UROC1: variants seen among roughly 807,000 people sequenced by gnomAD.
UROC1 encodes the protein urocanate hydratase.
A neutral mutation model predicts 89.5 loss-of-function variants in UROC1; 79 were observed. The observed-to-expected ratio is 0.88, with a 90% CI of 0.74 to 1.06. The LOEUF (loss-of-function observed/expected upper bound fraction) is 1.06. UROC1 is among the 50% of genes least tolerant of loss of function. The pLI, the probability that UROC1 is intolerant of heterozygous loss-of-function variation, is 0.00. For synonymous variants in UROC1, 361 were observed against 354.8 expected, an observed-to-expected ratio of 1.02 and a Z score of -0.20; for missense variants, 885 against 907.8, an observed-to-expected ratio of 0.97 and a Z score of 0.32.
intron 9 of UROC1, chr3:126,502,068 G>T: frequency 9.5e-7 from 1 of 1,055,908 alleles, no homozygotes; most frequent in Non-Finnish European, 1.3e-6. Context: ...TGATGTATGT[G>T]TATGTGTGTG....
intron 15 of UROC1, among the ~76,000 whole-genome samples, chr3:126,495,601 C>T (rs773124904): frequency 2.4e-4 from 36 of 152,362 alleles, no homozygotes; most frequent in Middle Eastern, 3.4e-3. Flanking sequence ...AATAGTGCTG[C>T]TGTGAACATG....
At chr3:126,497,764 A>G (rs1194269467) in intron 14 of UROC1, among the ~76,000 whole-genome samples, 1 of 151,682 alleles carries the variant, frequency 6.6e-6, no homozygotes, top group Non-Finnish European at 1.5e-5. Flanking sequence ...AGAGGTCCTC[A>G]CTGGCAGAGC....
At chr3:126,496,208 C>T in intron 14 of UROC1, 100 bp from the exon 15 acceptor site, 1 of 1,226,544 alleles carries the variant, frequency 8.2e-7, no homozygotes, top group Non-Finnish European at 1.2e-6. Context: ...CCCGAGCCCA[C>T]CACTGAGCTA....
chr3:126,502,851 A>G (rs1292857729), intron 9 of UROC1, among the ~76,000 whole-genome samples: 4 of 144,910 alleles, frequency 2.8e-5, no homozygotes, highest in Admixed American at 6.8e-5. Context: ...TGTGTGTTAC[A>G]TGTGTGTTGT....
At chr3:126,501,870 G>T in intron 9 of UROC1, 2 of 1,599,490 alleles carry the variant, frequency 1.3e-6, no homozygotes, top group Non-Finnish European at 1.7e-6. Context: ...GGTTGACAAA[G>T]CAGGAAAGGA....
chr3:126,496,900 C>T lies in UROC1; in HGVS notation c.1439-792G>A, dbSNP rs569721284. On this transcript the variant is annotated intron_variant, in intron 14 of 19. Transcript: ENST00000290868. ...GCGGGCATGTGGAGCTGGGTCAGCACGCCTGGAAACCAGCCAGGCCTGGAG... is the reference window on the plus strand; with the variant it reads ...GCGGGCATGTGGAGCTGGGTCAGCATGCCTGGAAACCAGCCAGGCCTGGAG... 5.3e-5 allele frequency among the ~76,000 whole-genome samples: 8 copies of T among 152,270 alleles called. No individual in the cohort carries two copies. The East Asian group carries it at 9.7e-4, about 18-fold the overall frequency.
At chr3:126,501,189 C>A in intron 10 of UROC1, 29 bp downstream of exon 10, 1 of 1,612,638 alleles carries the variant, frequency 6.2e-7, no homozygotes. Context: ...GGTTCCCAAG[C>A]TGGCCATCAA....
intron 3 of UROC1, 102 bp downstream of exon 3, chr3:126,509,483 A>C: frequency 3.4e-6 from 4 of 1,166,602 alleles, no homozygotes; most frequent in Non-Finnish European, 3.8e-6. Context: ...CTTTCTGTGA[A>C]TCTATAATTA....
At chr3:126,504,483 C>G (rs1229558820) in intron 8 of UROC1, among the ~76,000 whole-genome samples, 4 of 152,194 alleles carry the variant, frequency 2.6e-5, no homozygotes, top group Admixed American at 2.0e-4. Context: ...TCCCTTCTCA[C>G]CTCTTCCTGC....
chr3:126,490,248 G>A (rs552290525), intron 16 of UROC1, among the ~76,000 whole-genome samples: 4 of 152,274 alleles, frequency 2.6e-5, no homozygotes, highest in Non-Finnish European at 2.9e-5. Flanking sequence ...AGGAATCTCC[G>A]GCTGCTCAGA....
At chr3:126,492,988 T>G (rs927559800) in intron 15 of UROC1, among the ~76,000 whole-genome samples, 1 of 152,208 alleles carries the variant, frequency 6.6e-6, no homozygotes, top group Non-Finnish European at 1.5e-5. Context: ...ATCCTCATCA[T>G]AAGCTCCATT....
intron 18 of UROC1, among the ~76,000 whole-genome samples, chr3:126,484,743 T>C (rs1380328648): frequency 6.6e-6 from 1 of 152,210 alleles, no homozygotes; most frequent in African/African-American, 2.4e-5. Flanking sequence ...TCCCTGCACC[T>C]GGGCAGTCCA....
Position 126,508,084 on chromosome 3 carries a change from G to T in UROC1, c.423C>A (p.Thr141=). The stretch of plus-strand genomic sequence containing the variant: ...CTGTCATCTTCGACAAGTAGAACAT[G>T]GTCAGCCAGAACTGGGGGAAGAGCA... The part of the protein sequence containing the change: ...VFSNWAQFWL[T]MFYLSKMTEE... The change falls in exon 5 of 20, where the codon ACC becomes ACA. Residue 141 remains threonine, a synonymous_variant. Transcript: ENST00000290868. The T allele has an allele frequency of 6.2e-7, 1 of 1,613,852 alleles. No homozygotes were observed.
intron 6 of UROC1, among the ~76,000 whole-genome samples, 168 bp from the exon 7 acceptor site, chr3:126,506,179 T>C (rs530278100): frequency 3.5e-4 from 53 of 152,374 alleles, no homozygotes; most frequent in Middle Eastern, 3.4e-3. Flanking sequence ...AAGAAGGCTA[T>C]GGACACCCTT....
At chr3:126,490,999 C>T (rs1161944153) in intron 16 of UROC1, among the ~76,000 whole-genome samples, 1 of 152,224 alleles carries the variant, frequency 6.6e-6, no homozygotes, top group Non-Finnish European at 1.5e-5. Flanking sequence ...TTTCACAGGC[C>T]CCTGTGCCAG....
At position 126,500,813 on chromosome 3, in the gene UROC1, G is replaced by T; in HGVS notation, c.1027C>A (p.Gln343Lys). The change falls in exon 11 of 20, where the codon CAG becomes AAG. Residue 343 changes from glutamine (Q) to lysine (K), a missense_variant. Coordinates refer to ENST00000290868, the MANE Select transcript of UROC1 (RefSeq NM_144639.3). The part of the protein sequence containing the change: ...GECLVDLGSD[Q>K]TSCHNPFNGG... Reference sequence around the variant, plus strand: ...TTGAACGGGTTGTGGCAGGATGTCTGATCTGACCCCAGGTCCACCAAGCAC... The same window carrying T: ...TTGAACGGGTTGTGGCAGGATGTCTTATCTGACCCCAGGTCCACCAAGCAC... 1 of 1,614,014 alleles carries T rather than the reference G, an allele frequency of 6.2e-7. No individual in the cohort carries two copies.
intron 9 of UROC1, among the ~76,000 whole-genome samples, chr3:126,503,227 T>A (rs1935978373): frequency 6.6e-6 from 1 of 152,216 alleles, no homozygotes; most frequent in South Asian, 2.1e-4. Flanking sequence ...TAGGTCAAAA[T>A]AGTTCACTGC....
intron 1 of UROC1, among the ~76,000 whole-genome samples, chr3:126,516,042 C>A (rs1297644543): frequency 2.0e-5 from 1 of 50,084 alleles, no homozygotes; most frequent in African/African-American, 1.1e-4. Context: ...CTCCTCCTGT[C>A]CCCCAGCGCC....
At chr3:126,492,569 G>A in intron 15 of UROC1, 53 bp from the exon 16 acceptor site, 1 of 1,443,280 alleles carries the variant, frequency 6.9e-7, no homozygotes. Flanking sequence ...GCAATAACAG[G>A]ACCTGGGGTG....
Sources: gnomAD v4.1 joint callset for allele counts (sites outside exome capture counted in the v4.1 genomes callset) on GRCh38, gnomAD v4.1.1 for gene constraint, MANE v1.5 for transcripts, NCBI Gene and HGNC (gene_info 2026-07-23, HGNC 2026-07-21) for gene names.